The following FBXO45 variants were observed in gnomAD, a reference collection of about 807,000 sequenced individuals.
The protein encoded by FBXO45 is F-box/SPRY domain-containing protein 1.
Under a neutral mutation model 25.5 loss-of-function variants are expected in FBXO45, and 3 were observed. That is an observed-to-expected ratio of 0.12 (90% confidence interval 0.05 to 0.30). The LOEUF (loss-of-function observed/expected upper bound fraction) is 0.30. Among genes scored for constraint, FBXO45 ranks in the 10% least tolerant of loss-of-function variants. The pLI, the probability that FBXO45 is intolerant of heterozygous loss-of-function variation, is 1.00. For missense variants in FBXO45, 219 were observed against 365.0 expected (o/e 0.60, Z 3.26); for synonymous variants, 155 against 149.8 (o/e 1.03, Z -0.25).
rs1446148717 is a variant in FBXO45 at position 196,584,357 on chromosome 3, G to C, written c.*39G>C. 3 of 1,549,288 alleles carry C rather than the reference G, an allele frequency of 1.9e-6. No individual in the cohort carries two copies. The highest frequency in any genetic ancestry group is 2.6e-6 in the Non-Finnish European group (3 of 1,147,542). ...GTGATGACAGACAGAATGGAGGAGA[G>C]ATCTGCTTATGGGAAGTAGAACCAT... On this transcript the variant is annotated 3_prime_UTR_variant, in exon 3 of 3. Transcript: ENST00000311630. The surrounding 1 kb of genome is among the most constrained non-coding windows in gnomAD (Gnocchi z 4.3).
rs573783999 is a variant in FBXO45, at chr3:196,570,869, G to A, written c.318+1567G>A. Among the ~76,000 whole-genome samples the A allele has an allele frequency of 3.3e-5, 5 of 151,948 alleles. No homozygotes were observed. In the South Asian group the frequency reaches 8.3e-4, roughly 25 times the overall value. Reference sequence around the variant, plus strand: ...TGGGATTACAGGCGCCCGCCACCACGCCCGGCTAATTTTTTGTACTTTCAG... The same window carrying A: ...TGGGATTACAGGCGCCCGCCACCACACCCGGCTAATTTTTTGTACTTTCAG... On this transcript the variant is annotated intron_variant, in intron 1 of 2. Transcript: ENST00000311630.
chr3:196,575,363 C>A (rs1417127626), intron 1 of FBXO45, among the ~76,000 whole-genome samples: 7 of 150,226 alleles, frequency 4.7e-5, no homozygotes, highest in African/African-American at 1.7e-4. Flanking sequence ...GAGGCTGAGA[C>A]AGGAGAATCG....
rs553208888 is a variant in FBXO45 at position 196,584,522 on chromosome 3, T to C, written c.*204T>C. On this transcript the variant is annotated 3_prime_UTR_variant, in exon 3 of 3. Transcript: ENST00000311630. The surrounding 1 kb of genome is among the most constrained non-coding windows in gnomAD (Gnocchi z 4.3). Reference sequence around the variant, plus strand: ...CCAGAAAAATCCTCAGGGTTGCAGTTGGTTGAGTGGGCAGTTGACATATGC... The same window carrying C: ...CCAGAAAAATCCTCAGGGTTGCAGTCGGTTGAGTGGGCAGTTGACATATGC... 4 of 496,340 alleles carry C rather than the reference T, an allele frequency of 8.1e-6. No individual in the cohort carries two copies. Among genetic ancestry groups the C allele is most frequent in the Non-Finnish European group, 1.4e-5 (4 of 285,276 alleles). The allele number at this position is 496,340 out of a possible 1,614,324, so 30.7% of individuals were successfully genotyped here. A position where few individuals can be genotyped will look rare whatever the true frequency, so the allele number is the denominator to read the frequency against.
chr3:196,572,561 C>T (rs1392340275), intron 1 of FBXO45, among the ~76,000 whole-genome samples: 1 of 152,048 alleles, frequency 6.6e-6, no homozygotes, highest in African/African-American at 2.4e-5. Flanking sequence ...GGCTGGAGCA[C>T]AGAGAGCAAA....
intron 2 of FBXO45, among the ~76,000 whole-genome samples, chr3:196,580,626 C>T (rs1274858224): frequency 1.3e-5 from 2 of 152,156 alleles, no homozygotes; most frequent in South Asian, 2.1e-4. Context: ...CGCCCAGCTT[C>T]GGTCTCTGAC....
intron 1 of FBXO45, among the ~76,000 whole-genome samples, chr3:196,576,315 G>A (rs972498943): frequency 6.6e-6 from 1 of 152,164 alleles, no homozygotes; most frequent in African/African-American, 2.4e-5. Flanking sequence ...TTTTTCTCAG[G>A]TTAGCTGAAG....
At chr3:196,573,872 T>G (rs1265165007) in intron 1 of FBXO45, among the ~76,000 whole-genome samples, 2 of 152,024 alleles carry the variant, frequency 1.3e-5, no homozygotes, top group African/African-American at 4.8e-5. Flanking sequence ...ATAACAAAAT[T>G]CAGGTTGTGC....
In FBXO45 at chr3:196,569,036, A is replaced by AGCG. The variant is rs529462437; in HGVS notation, c.62_64dup (p.Gly21dup). On this transcript the variant is annotated inframe_insertion, in exon 1 of 3. Transcript: ENST00000311630. The surrounding 1 kb of genome is among the most constrained non-coding windows in gnomAD (Gnocchi z 4.1). ...GGCAGCCTCGGGCGGCGCTGGCTGT[A>AGCG]GCGGCGGCGGCGCGGGCGCGGGCGC... is the stretch of plus-strand genomic sequence containing the variant. 7.3e-4 allele frequency: 776 copies of AGCG among 1,065,606 alleles called. 5 individuals carry two copies. The African/African-American group carries it at 0.012, about 17-fold the overall frequency. 66.0% of individuals were successfully genotyped at this position (1,065,606 alleles called of 1,614,324 possible). A position where few individuals can be genotyped will look rare whatever the true frequency, so the allele number is the denominator to read the frequency against.
chr3:196,580,058 T>C (rs1469558353), intron 2 of FBXO45, among the ~76,000 whole-genome samples: 1 of 152,066 alleles, frequency 6.6e-6, no homozygotes, highest in Non-Finnish European at 1.5e-5. Flanking sequence ...AATGGCGCAA[T>C]CTCGGCTCAC....
rs1349336735 is a variant in FBXO45, at chr3:196,569,769, G to GT, written c.318+471dup. On this transcript the variant is annotated intron_variant, in intron 1 of 2. Coordinates refer to ENST00000311630, the MANE Select transcript of FBXO45 (RefSeq NM_001105573.2). The surrounding 1 kb of genome is among the most constrained non-coding windows in gnomAD (Gnocchi z 4.1). ...TCCAAGCTCTGATTTTTAACCATTT[G>GT]TTTTCATTATTTTCCCCCAAGTTCT... Among the ~76,000 whole-genome samples the GT allele has an allele frequency of 1.3e-5, 2 of 152,170 alleles. No individual in the cohort carries two copies. The highest frequency in any genetic ancestry group is 1.9e-4 in the East Asian group (1 of 5,188).
chr3:196,583,054 C>T (rs1736041386), intron 2 of FBXO45, among the ~76,000 whole-genome samples: 1 of 152,124 alleles, frequency 6.6e-6, no homozygotes, highest in African/African-American at 2.4e-5. Context: ...AAACTCTGCT[C>T]TACAACTATA....
In FBXO45 at chr3:196,584,977, G is replaced by A. The variant is rs1157856133; in HGVS notation, c.*659G>A. On this transcript the variant is annotated 3_prime_UTR_variant, in exon 3 of 3. Transcript: ENST00000311630. The surrounding 1 kb of genome is among the most constrained non-coding windows in gnomAD (Gnocchi z 4.3). ...GGTTACAAAATTGGAATAACATTTG[G>A]GGACAACTGGGTTAACTACAAAGAA... 1.3e-5 allele frequency: 2 copies of A among 152,100 alleles called. No individual in the cohort carries two copies. The highest frequency in any genetic ancestry group is 2.9e-5 in the Non-Finnish European group (2 of 68,028). The allele number at this position is 152,100 out of a possible 1,614,324, so 9.4% of individuals were successfully genotyped here. A position where few individuals can be genotyped will look rare whatever the true frequency, so the allele number is the denominator to read the frequency against.
chr3:196,571,680 T>A (rs1182728625), intron 1 of FBXO45, among the ~76,000 whole-genome samples: 1 of 152,248 alleles, frequency 6.6e-6, no homozygotes. Context: ...CCTTTCATCC[T>A]TGTCGCTCAG....
chr3:196,577,524 T>C lies in FBXO45; in HGVS notation c.390T>C (p.Phe130=). The C allele has an allele frequency of 6.2e-7, 1 of 1,614,028 alleles. No individual in the cohort carries two copies. Among genetic ancestry groups the C allele is most frequent in the Middle Eastern group, 1.6e-4 (1 of 6,062 alleles). ...SRNVYIKKNG[F]TLHRNPIAQS... ...ATGTCTACATTAAGAAGAATGGCTT[T>C]ACTTTACATCGAAACCCCATTGCTC... The change falls in exon 2 of 3, where the codon TTT becomes TTC. Residue 130 remains phenylalanine, a synonymous_variant. Coordinates refer to ENST00000311630, the MANE Select transcript of FBXO45 (RefSeq NM_001105573.2).
intron 1 of FBXO45, among the ~76,000 whole-genome samples, chr3:196,572,487 G>C (rs973127739): frequency 6.6e-6 from 1 of 152,192 alleles, no homozygotes; most frequent in Non-Finnish European, 1.5e-5. Flanking sequence ...TAGGCAAAGG[G>C]GAGAGAGAAC....
rs1736085930 is a variant in FBXO45 at position 196,585,292 on chromosome 3, G to T, written c.*974G>T. On this transcript the variant is annotated 3_prime_UTR_variant, in exon 3 of 3. Coordinates refer to ENST00000311630, the MANE Select transcript of FBXO45 (RefSeq NM_001105573.2). ...ACACAGAACATTGCCATTTGCTCTT[G>T]TAGGCCTCAAATATGAAAGCTATTA... The T allele has an allele frequency of 1.3e-5, 2 of 152,160 alleles. No individual in the cohort carries two copies. Among genetic ancestry groups the T allele is most frequent in the Admixed American group, 6.5e-5 (1 of 15,278 alleles). The allele number at this position is 152,160 out of a possible 1,614,324, so 9.4% of individuals were successfully genotyped here. A position where few individuals can be genotyped will look rare whatever the true frequency, so the allele number is the denominator to read the frequency against.
At chr3:196,581,953 T>G (rs1365562404) in intron 2 of FBXO45, among the ~76,000 whole-genome samples, 2 of 152,238 alleles carry the variant, frequency 1.3e-5, no homozygotes, top group African/African-American at 2.4e-5. Context: ...GCTGCTTTTT[T>G]AGTCCTGGAG....
At chr3:196,580,698 T>C (rs1735994168) in intron 2 of FBXO45, among the ~76,000 whole-genome samples, 1 of 152,228 alleles carries the variant, frequency 6.6e-6, no homozygotes, top group Non-Finnish European at 1.5e-5. Context: ...GTTGTCCTTA[T>C]CTCTGCCTCT....
In FBXO45 at chr3:196,578,746, G is replaced by A. The variant is rs1264909507; in HGVS notation, c.675+937G>A. Among the ~76,000 whole-genome samples, 9 of 152,106 alleles carry A rather than the reference G, an allele frequency of 5.9e-5. No homozygotes were observed. In the East Asian group the frequency reaches 1.7e-3, roughly 29 times the overall value. ...CATGCAGCCCAAGATGGCTTTGATT[G>A]TGACCCAATGCAAATTCATAAACTT... is the stretch of plus-strand genomic sequence containing the variant. On this transcript the variant is annotated intron_variant, in intron 2 of 2. Coordinates refer to ENST00000311630, the MANE Select transcript of FBXO45 (RefSeq NM_001105573.2).
Sources: allele counts gnomAD v4.1 joint callset (sites outside exome capture counted in the v4.1 genomes callset), GRCh38; gene constraint gnomAD v4.1.1; non-coding constraint Gnocchi (gnomAD v3.1); transcripts MANE v1.5; gene names NCBI Gene and HGNC (gene_info 2026-07-23, HGNC 2026-07-21).